PKD2L2: variants seen among roughly 807,000 people sequenced by gnomAD.
PKD2L2 encodes the protein polycystin 2 like 2, transient receptor potential cation channel.
PKD2L2 carries 67 observed loss-of-function variants against 83.9 expected under a neutral mutation model. The observed-to-expected ratio is 0.80, with a 90% CI of 0.66 to 0.98. The LOEUF (loss-of-function observed/expected upper bound fraction) is 0.98. Ranked by LOEUF, PKD2L2 falls within the 50% of genes least tolerant of loss-of-function variation. The pLI, the probability that PKD2L2 is intolerant of heterozygous loss-of-function variation, is 0.00. For missense variants in PKD2L2, 632 were observed against 717.2 expected (o/e 0.88, Z 1.36); for synonymous variants, 223 against 237.8 (o/e 0.94, Z 0.57).
At chr5:137,893,882 AGAG>A (rs1376858963) in intron 3 of PKD2L2, among the ~76,000 whole-genome samples, 1 of 152,192 alleles carries the variant, frequency 6.6e-6, no homozygotes, top group African/African-American at 2.4e-5. Flanking sequence ...GGCCAATGGC[AGAG>A]AAGACAAAGG....
intron 4 of PKD2L2, among the ~76,000 whole-genome samples, chr5:137,896,043 G>A (rs144899886): frequency 0.011 from 1,653 of 152,104 alleles, 28 homozygotes; most frequent in African/African-American, 0.038. Flanking sequence ...CAAGCATGGT[G>A]GCACATGCCT....
At chr5:137,934,581 G>A (rs1760153524) in intron 12 of PKD2L2, among the ~76,000 whole-genome samples, 1 of 152,168 alleles carries the variant, frequency 6.6e-6, no homozygotes, top group African/African-American at 2.4e-5. Context: ...GGCCGACGCA[G>A]GCGGATTACT....
chr5:137,906,054 A>G, intron 5 of PKD2L2, 152 bp from the exon 6 acceptor site: 1 of 549,638 alleles, frequency 1.8e-6, no homozygotes, highest in Non-Finnish European at 3.2e-6. Flanking sequence ...GAAGATGTTT[A>G]AATTGAACCC....
Position 137,890,470 on chromosome 5 carries a change from A to G in PKD2L2, c.32-11A>G, listed in dbSNP as rs749795325. On this transcript the variant is annotated splice_polypyrimidine_tract_variant and intron_variant, in intron 1 of 14. Transcript: ENST00000508883. The stretch of plus-strand genomic sequence containing the variant: ...ATAATGTAAAGAAAAATTTTGTCTT[A>G]TATCTCACAGGGGCTTCGAAACATA... 3 of 1,493,684 alleles carry G rather than the reference A, an allele frequency of 2.0e-6. No homozygotes were observed. The highest frequency in any genetic ancestry group is 2.5e-5 in the South Asian group (2 of 79,692). The allele number at this position is 1,493,684 out of a possible 1,614,324, so 92.5% of individuals were successfully genotyped here. A position where few individuals can be genotyped will look rare whatever the true frequency, so the allele number is the denominator to read the frequency against.
chr5:137,939,951 G>A (rs1265133824), intron 14 of PKD2L2: 12 of 1,410,926 alleles, frequency 8.5e-6, no homozygotes, highest in Non-Finnish European at 1.0e-5. Flanking sequence ...TTTGCTAAAA[G>A]GATGTATCTG....
At chr5:137,917,354 G>A (rs1404037418) in intron 8 of PKD2L2, among the ~76,000 whole-genome samples, 3 of 151,794 alleles carry the variant, frequency 2.0e-5, no homozygotes, top group African/African-American at 2.4e-5. Context: ...AGTAGAGTCT[G>A]GGTTTCACCA....
At chr5:137,923,544 T>C (rs201763791) in intron 10 of PKD2L2, 23 bp downstream of exon 10, 44 of 1,045,952 alleles carry the variant, frequency 4.2e-5, no homozygotes, top group Admixed American at 8.5e-5. Context: ...TCTTTCCTAA[T>C]TAGAATTCTA....
Position 137,929,534 on chromosome 5 carries a change from CAAAAAAAAAAAAA to C in PKD2L2, c.1671+3618_1671+3630del, listed in dbSNP as rs756601170. The stretch of plus-strand genomic sequence containing the variant: ...ATATATTTCTATAGGACAAAATTGC[CAAAAAAAAAAAAA>C]AAAAAAAAAAAACAGACCACACGGT... On this transcript the variant is annotated intron_variant, in intron 12 of 14. Transcript: ENST00000508883. Among the ~76,000 whole-genome samples the C allele has an allele frequency of 7.0e-3, 24 of 3,444 alleles. No homozygotes were observed. The South Asian group carries it at 0.2, about 29-fold the overall frequency. 2.3% of individuals were successfully genotyped at this position (3,444 alleles called of 152,430 possible). A position where few individuals can be genotyped will look rare whatever the true frequency, so the allele number is the denominator to read the frequency against.
At chr5:137,918,905 C>A (rs1477073952) in intron 8 of PKD2L2, among the ~76,000 whole-genome samples, 4 of 149,150 alleles carry the variant, frequency 2.7e-5, no homozygotes, top group Non-Finnish European at 5.9e-5. Context: ...CTGGCCATCT[C>A]TCAGGAAGGA....
intron 8 of PKD2L2, among the ~76,000 whole-genome samples, chr5:137,913,189 T>TC (rs1302943849): frequency 1.4e-5 from 2 of 143,002 alleles, no homozygotes; most frequent in Admixed American, 1.4e-4. Context: ...TTTTTCTTTT[T>TC]TTTTTTTTTT....
intron 12 of PKD2L2, among the ~76,000 whole-genome samples, chr5:137,929,402 G>T (rs555032499): frequency 2.0e-5 from 3 of 151,180 alleles, no homozygotes; most frequent in African/African-American, 7.3e-5. Context: ...CGGAGGTTGC[G>T]GTGAGCCGAG....
intron 12 of PKD2L2, among the ~76,000 whole-genome samples, chr5:137,933,050 CAAAA>C (rs34015851): frequency 1.1e-4 from 13 of 122,712 alleles, no homozygotes; most frequent in African/African-American, 3.3e-4. Context: ...CAAAACAAAC[CAAAA>C]AAAAAAAAAA....
intron 4 of PKD2L2, 49 bp downstream of exon 4, chr5:137,894,658 T>C (rs755111292): frequency 1.6e-5 from 23 of 1,440,938 alleles, no homozygotes; most frequent in Non-Finnish European, 1.1e-5. Context: ...TTTACTGTTG[T>C]ATCTTTTAGA....
At chr5:137,904,806 G>A (rs1352291739) in intron 5 of PKD2L2, among the ~76,000 whole-genome samples, 3 of 152,096 alleles carry the variant, frequency 2.0e-5, no homozygotes, top group Non-Finnish European at 4.4e-5. Context: ...TTTTTCTCTC[G>A]TAAGTCTTAC....
chr5:137,892,374 T>C (rs10055169), intron 2 of PKD2L2, 106 bp from the exon 3 acceptor site: 94,979 of 494,490 alleles, frequency 0.19, 10,231 homozygotes, highest in African/African-American at 0.34. Context: ...TATAATTAGA[T>C]TAATAAAGTT....
At chr5:137,924,984 T>G in intron 10 of PKD2L2, 56 bp from the exon 11 acceptor site, 1 of 1,015,180 alleles carries the variant, frequency 9.9e-7, no homozygotes, top group Non-Finnish European at 1.6e-6. Context: ...TGATAAAACA[T>G]TAATAATCAA....
chr5:137,908,944 C>A lies in PKD2L2; in HGVS notation c.1326C>A (p.Ser442=). ...ATGACTTTTCCACTTTTCAGAATTC[C>A]ATGTAAGCTCTTAGTATAAATGTAA... ...QVDDFSTFQN[S]IFAQFRIVLG... is the part of the protein sequence containing the mutation. Residue 442 remains serine, a splice_region_variant and synonymous_variant, in exon 8 of 15, where the codon TCC becomes TCA. Coordinates refer to ENST00000508883, the MANE Select transcript of PKD2L2 (RefSeq NM_001300921.2). 6.3e-7 allele frequency: 1 copy of A among 1,580,228 alleles called. No individual in the cohort carries two copies. Among genetic ancestry groups the A allele is most frequent in the Non-Finnish European group, 8.7e-7 (1 of 1,154,316 alleles).
intron 8 of PKD2L2, among the ~76,000 whole-genome samples, chr5:137,915,416 TTTTA>T (rs1286365220): frequency 6.1e-5 from 9 of 148,326 alleles, no homozygotes; most frequent in African/African-American, 2.0e-4. Flanking sequence ...TTTTTATTTA[TTTTA>T]TTTATTTTTA....
chr5:137,892,652 T>A, intron 3 of PKD2L2, 39 bp downstream of exon 3: 1 of 1,580,084 alleles, frequency 6.3e-7, no homozygotes, highest in Non-Finnish European at 8.6e-7. Context: ...TAGATTTAGG[T>A]AGTCCATGAA....
Sources: gnomAD v4.1 joint callset for allele counts (sites outside exome capture counted in the v4.1 genomes callset) on GRCh38, gnomAD v4.1.1 for gene constraint, MANE v1.5 for transcripts, NCBI Gene and HGNC (gene_info 2026-07-23, HGNC 2026-07-21) for gene names.